Variants in LCE5A observed in about 807,000 individuals in gnomAD.
LCE5A encodes the protein late cornified envelope 5A.
For missense variants in LCE5A, 139 were observed against 147.2 expected (o/e 0.94, Z 0.29); for synonymous variants, 51 against 54.2 (o/e 0.94, Z 0.26).
Position 152,511,766 on chromosome 1 carries a change from C to T in LCE5A, c.232C>T (p.Leu78Phe). 6.2e-7 allele frequency: 1 copy of T among 1,613,980 alleles called. No individual in the cohort carries two copies. Among genetic ancestry groups the T allele is most frequent in the East Asian group, 2.2e-5 (1 of 44,868 alleles). The change falls in exon 2 of 2, where the codon CTC (leucine) becomes TTC (phenylalanine). Residue 78 changes from leucine (L) to phenylalanine (F), a missense_variant. Coordinates refer to ENST00000334269, the MANE Select transcript of LCE5A (RefSeq NM_178438.5). ...GAGCCACCACAGGCCCCGCCAGTCC[C>T]TCCGACGCCGACCTCAGAGTTCCAG... ...CLSHHRPRQS[L>F]RRRPQSSSCC...
rs1463760201 is a variant in LCE5A at position 152,511,927 on chromosome 1, C to A, written c.*36C>A. 3 of 1,557,044 alleles carry A rather than the reference C, an allele frequency of 1.9e-6. No homozygotes were observed. The highest frequency in any genetic ancestry group is 2.7e-5 in the African/African-American group (2 of 73,152). On this transcript the variant is annotated 3_prime_UTR_variant, in exon 2 of 2. Coordinates refer to ENST00000334269, the MANE Select transcript of LCE5A (RefSeq NM_178438.5). ...GAGGAGCACGGAGGAGAAGGACTGG[C>A]AGATCCCAGGTGCTGAAGATGTGTG...
In LCE5A at chr1:152,511,559, C is replaced by T. The variant is rs1190185264; in HGVS notation, c.25C>T (p.Gln9Ter). 1 of 1,614,186 alleles carries T rather than the reference C, an allele frequency of 6.2e-7. No homozygotes were observed. The highest frequency in any genetic ancestry group is 1.1e-5 in the South Asian group (1 of 91,086). MSCQQSQQ[Q>*]CQPPPKCTPK... Reference sequence around the variant, plus strand: ...GATGTCCTGCCAGCAGAGCCAGCAGCAGTGCCAGCCTCCTCCCAAATGTAC... The same window carrying T: ...GATGTCCTGCCAGCAGAGCCAGCAGTAGTGCCAGCCTCCTCCCAAATGTAC... The change falls in exon 2 of 2, where the codon CAG becomes TAG. Residue 9 changes from glutamine to a stop codon, truncating the protein, a stop_gained. Transcript: ENST00000334269. LOFTEE classifies it low-confidence loss of function (END_TRUNC).
At position 152,511,610 on chromosome 1, in the gene LCE5A, C is replaced by G. The variant is rs1380006731; in HGVS notation, c.76C>G (p.Pro26Ala). 6.2e-7 allele frequency: 1 copy of G among 1,614,130 alleles called. No homozygotes were observed. The highest frequency in any genetic ancestry group is 8.5e-7 in the Non-Finnish European group (1 of 1,180,028). Residue 26 changes from proline (P) to alanine (A), a missense_variant, in exon 2 of 2, where the codon CCT (proline) becomes GCT (alanine). By Grantham distance (27) the Pro-to-Ala change is conservative. Coordinates refer to ENST00000334269, the MANE Select transcript of LCE5A (RefSeq NM_178438.5). The stretch of plus-strand genomic sequence containing the variant: ...CCCTAAATGCCCTCCCAAGTGTACT[C>G]CTAAGTGTCCTCCCAAGTGTCCCCC... ...CTPKCPPKCT[P>A]KCPPKCPPKC...
Position 152,512,029 on chromosome 1 carries a change from C to G in LCE5A, c.*138C>G. 1 of 743,476 alleles carries G rather than the reference C, an allele frequency of 1.3e-6. No homozygotes were observed. Among genetic ancestry groups the G allele is most frequent in the East Asian group, 2.7e-5 (1 of 36,880 alleles). 46.1% of individuals were successfully genotyped at this position (743,476 alleles called of 1,614,324 possible). A position where few individuals can be genotyped will look rare whatever the true frequency, so the allele number is the denominator to read the frequency against. On this transcript the variant is annotated 3_prime_UTR_variant, in exon 2 of 2. Coordinates refer to ENST00000334269, the MANE Select transcript of LCE5A (RefSeq NM_178438.5). ...CCTTAAGTTCCCCTCTTTATCCTGC[C>G]CATGTTCACTCCATTGTAGGGTTGA...
Position 152,511,731 on chromosome 1 carries a change from G to C in LCE5A, c.197G>C (p.Gly66Ala), listed in dbSNP as rs1400882176. ...SGGCCSSEGG[G>A]CCLSHHRPRQ... ...GGCTGCTGCAGCTCTGAGGGTGGTGGCTGCTGCCTGAGCCACCACAGGCCC... is the reference window on the plus strand; with the variant it reads ...GGCTGCTGCAGCTCTGAGGGTGGTGCCTGCTGCCTGAGCCACCACAGGCCC... The change falls in exon 2 of 2, where the codon GGC becomes GCC. Residue 66 changes from glycine to alanine, a missense_variant. By Grantham distance (60) the Gly-to-Ala change is moderately conservative (BLOSUM62 0). Coordinates refer to ENST00000334269, the MANE Select transcript of LCE5A (RefSeq NM_178438.5). 1.2e-6 allele frequency: 2 copies of C among 1,614,010 alleles called. No individual in the cohort carries two copies. Among genetic ancestry groups the C allele is most frequent in the African/African-American group, 1.3e-5 (1 of 75,058 alleles).
In LCE5A at chr1:152,511,653, G is replaced by A. The variant is rs2105117; in HGVS notation, c.119G>A (p.Cys40Tyr). The A allele has an allele frequency of 0.62, 993,980 of 1,613,786 alleles. 310,701 individuals are homozygous for A. Among genetic ancestry groups the A allele is most frequent in the East Asian group, 0.69 (30,730 of 44,826 alleles). ...TGTCCCCCAAAATGCCCTCCCCAGTGTTCAGCCCCATGCCCACCTCCAGTC... is the reference window on the plus strand; with the variant it reads ...TGTCCCCCAAAATGCCCTCCCCAGTATTCAGCCCCATGCCCACCTCCAGTC... ...PKCPPKCPPQCSAPCPPPVSS... is the reference protein window; with the variant it reads ...PKCPPKCPPQYSAPCPPPVSS... The change falls in exon 2 of 2, where the codon TGT becomes TAT. Residue 40 changes from cysteine (C) to tyrosine (Y), a missense_variant. Coordinates refer to ENST00000334269, the MANE Select transcript of LCE5A (RefSeq NM_178438.5).
Position 152,511,658 on chromosome 1 carries a change from GC to G in LCE5A, c.128del (p.Pro43HisfsTer27), listed in dbSNP as rs749993906. 1.2e-6 allele frequency: 2 copies of G among 1,613,968 alleles called. No individual in the cohort carries two copies. The highest frequency in any genetic ancestry group is 1.7e-6 in the Non-Finnish European group (2 of 1,180,034). On this transcript the variant is annotated frameshift_variant, in exon 2 of 2. Transcript: ENST00000334269. LOFTEE classifies it low-confidence loss of function (END_TRUNC). Reference sequence around the variant, plus strand: ...CCCAAAATGCCCTCCCCAGTGTTCAGCCCCATGCCCACCTCCAGTCTCTTCC... The same window carrying G: ...CCCAAAATGCCCTCCCCAGTGTTCAGCCCATGCCCACCTCCAGTCTCTTCC... ...CPPKCPPQCS[A>X]PCPPPVSSCC...
rs1658601107 is a variant in LCE5A at position 152,511,962 on chromosome 1, G to A, written c.*71G>A. On this transcript the variant is annotated 3_prime_UTR_variant, in exon 2 of 2. Transcript: ENST00000334269. The stretch of plus-strand genomic sequence containing the variant: ...GTGCTGAAGATGTGTGTCAGCCTGA[G>A]GCTTCTTTTCTCTCATTTCCCATGG... 2.6e-5 allele frequency: 37 copies of A among 1,412,356 alleles called. No homozygotes were observed. The South Asian group carries it at 4.4e-4, about 17-fold the overall frequency. The allele number at this position is 1,412,356 out of a possible 1,614,324, so 87.5% of individuals were successfully genotyped here. A position where few individuals can be genotyped will look rare whatever the true frequency, so the allele number is the denominator to read the frequency against.
Position 152,511,710 on chromosome 1 carries a change from G to T in LCE5A, c.176G>T (p.Cys59Phe). The T allele has an allele frequency of 6.2e-7, 1 of 1,614,074 alleles. No individual in the cohort carries two copies. Among genetic ancestry groups the T allele is most frequent in the Non-Finnish European group, 8.5e-7 (1 of 1,179,990 alleles). The change falls in exon 2 of 2, where the codon TGC (cysteine) becomes TTC (phenylalanine). Residue 59 changes from cysteine (C) to phenylalanine (F), a missense_variant. Cys to Phe is a radical substitution (Grantham distance 205). Transcript: ENST00000334269. ...TGCTGTGGTTCCAGCTCTGGGGGCT[G>T]CTGCAGCTCTGAGGGTGGTGGCTGC... ...SSCCGSSSGG[C>F]CSSEGGGCCL...
rs1658582303 is a variant in LCE5A at position 152,511,702 on chromosome 1, T to C, written c.168T>C (p.Ser56=). 3 of 1,613,536 alleles carry C rather than the reference T, an allele frequency of 1.9e-6. No homozygotes were observed. Among genetic ancestry groups the C allele is most frequent in the Non-Finnish European group, 2.5e-6 (3 of 1,180,012 alleles). Reference sequence around the variant, plus strand: ...TCTCTTCCTGCTGTGGTTCCAGCTCTGGGGGCTGCTGCAGCTCTGAGGGTG... The same window carrying C: ...TCTCTTCCTGCTGTGGTTCCAGCTCCGGGGGCTGCTGCAGCTCTGAGGGTG... The part of the protein sequence containing the change: ...PPVSSCCGSS[S]GGCCSSEGGG... The change falls in exon 2 of 2, where the codon TCT becomes TCC. Residue 56 remains serine, a synonymous_variant. Coordinates refer to ENST00000334269, the MANE Select transcript of LCE5A (RefSeq NM_178438.5).
chr1:152,511,290 C>T (rs1486073550), intron 1 of LCE5A, among the ~76,000 whole-genome samples: 1 of 151,956 alleles, frequency 6.6e-6, no homozygotes, highest in Non-Finnish European at 1.5e-5. Flanking sequence ...TGGTGGTGCA[C>T]ACCTGTCTGA....
At position 152,511,603 on chromosome 1, in the gene LCE5A, G is replaced by C. The variant is rs555555880; in HGVS notation, c.69G>C (p.Lys23Asn). 1.2e-6 allele frequency: 2 copies of C among 1,613,946 alleles called. No homozygotes were observed. The highest frequency in any genetic ancestry group is 1.7e-5 in the Admixed American group (1 of 59,996). The change falls in exon 2 of 2, where the codon AAG becomes AAC. Residue 23 changes from lysine (K) to asparagine (N), a missense_variant. Lys to Asn is a moderately conservative substitution (Grantham distance 94). Coordinates refer to ENST00000334269, the MANE Select transcript of LCE5A (RefSeq NM_178438.5). ...AATGTACCCCTAAATGCCCTCCCAA[G>C]TGTACTCCTAAGTGTCCTCCCAAGT... ...PPKCTPKCPPKCTPKCPPKCP... is the reference protein window; with the variant it reads ...PPKCTPKCPPNCTPKCPPKCP...
Position 152,511,992 on chromosome 1 carries a change from A to G in LCE5A, c.*101A>G. On this transcript the variant is annotated 3_prime_UTR_variant, in exon 2 of 2. Transcript: ENST00000334269. ...CTTTTCTCTCATTTCCCATGGAAGG[A>G]CTTCGGAAATGCCTTAAGTTCCCCT... is the stretch of plus-strand genomic sequence containing the variant. The G allele has an allele frequency of 8.9e-7, 1 of 1,126,276 alleles. No individual in the cohort carries two copies. Among genetic ancestry groups the G allele is most frequent in the East Asian group, 2.5e-5 (1 of 39,742 alleles). The allele number at this position is 1,126,276 out of a possible 1,614,324, so 69.8% of individuals were successfully genotyped here. A position where few individuals can be genotyped will look rare whatever the true frequency, so the allele number is the denominator to read the frequency against.
rs2101746672 is a variant in LCE5A at position 152,510,866 on chromosome 1, C to G, written c.-154C>G. 6.6e-6 allele frequency: 1 copy of G among 152,486 alleles called. No homozygotes were observed. The highest frequency in any genetic ancestry group is 2.1e-4 in the South Asian group (1 of 4,826). The allele number at this position is 152,486 out of a possible 1,614,324, so 9.4% of individuals were successfully genotyped here. A position where few individuals can be genotyped will look rare whatever the true frequency, so the allele number is the denominator to read the frequency against. ...AACCAGGTAGAGTGCTTCTCAGGAC[C>G]AGGATGAACTCTTGGTGCTGGTGTT... On this transcript the variant is annotated 5_prime_UTR_variant, in exon 1 of 2. Transcript: ENST00000334269.
chr1:152,511,212 C>T (rs1212059867), intron 1 of LCE5A, among the ~76,000 whole-genome samples: 6 of 151,966 alleles, frequency 3.9e-5, no homozygotes, highest in Non-Finnish European at 7.4e-5. Context: ...GTCAAGAGGT[C>T]AGGAGTTCGA....
Position 152,511,977 on chromosome 1 carries a change from A to G in LCE5A, c.*86A>G. 4.7e-6 allele frequency: 6 copies of G among 1,288,542 alleles called. No individual in the cohort carries two copies. Among genetic ancestry groups the G allele is most frequent in the Non-Finnish European group, 6.4e-6 (6 of 937,524 alleles). The allele number at this position is 1,288,542 out of a possible 1,614,324, so 79.8% of individuals were successfully genotyped here. On this transcript the variant is annotated 3_prime_UTR_variant, in exon 2 of 2. Coordinates refer to ENST00000334269, the MANE Select transcript of LCE5A (RefSeq NM_178438.5). Reference sequence around the variant, plus strand: ...GTCAGCCTGAGGCTTCTTTTCTCTCATTTCCCATGGAAGGACTTCGGAAAT... The same window carrying G: ...GTCAGCCTGAGGCTTCTTTTCTCTCGTTTCCCATGGAAGGACTTCGGAAAT...
In LCE5A at chr1:152,511,634, C is replaced by T; in HGVS notation, c.100C>T (p.Pro34Ser). The T allele has an allele frequency of 6.2e-7, 1 of 1,614,106 alleles. No individual in the cohort carries two copies. The highest frequency in any genetic ancestry group is 8.5e-7 in the Non-Finnish European group (1 of 1,179,998). Residue 34 changes from proline to serine, a missense_variant, in exon 2 of 2, where the codon CCA becomes TCA. Transcript: ENST00000334269. ...CTPKCPPKCP[P>S]KCPPQCSAPC... ...TCCTAAGTGTCCTCCCAAGTGTCCC[C>T]CAAAATGCCCTCCCCAGTGTTCAGC...
intron 1 of LCE5A, among the ~76,000 whole-genome samples, chr1:152,511,279 G>C (rs753186105): frequency 2.6e-5 from 4 of 151,990 alleles, no homozygotes; most frequent in Admixed American, 6.6e-5. Flanking sequence ...TTAGCTGGGT[G>C]TGGTGGTGCA....
rs1021110621 is a variant in LCE5A, at chr1:152,511,958, C to T, written c.*67C>T. 7.1e-7 allele frequency: 1 copy of T among 1,416,752 alleles called. No individual in the cohort carries two copies. The highest frequency in any genetic ancestry group is 1.4e-5 in the African/African-American group (1 of 69,626). The allele number at this position is 1,416,752 out of a possible 1,614,324, so 87.8% of individuals were successfully genotyped here. On this transcript the variant is annotated 3_prime_UTR_variant, in exon 2 of 2. Coordinates refer to ENST00000334269, the MANE Select transcript of LCE5A (RefSeq NM_178438.5). ...CCAGGTGCTGAAGATGTGTGTCAGCCTGAGGCTTCTTTTCTCTCATTTCCC... is the reference window on the plus strand; with the variant it reads ...CCAGGTGCTGAAGATGTGTGTCAGCTTGAGGCTTCTTTTCTCTCATTTCCC...
Sources: allele counts gnomAD v4.1 joint callset (sites outside exome capture counted in the v4.1 genomes callset), GRCh38; gene constraint gnomAD v4.1.1; transcripts MANE v1.5; gene names NCBI Gene and HGNC (gene_info 2026-07-23, HGNC 2026-07-21).